The following FABP3 variants were observed in gnomAD, a reference collection of about 807,000 sequenced individuals.
FABP3 encodes the protein fatty acid-binding protein, heart.
FABP3 carries 8 observed loss-of-function variants against 13.4 expected under a neutral mutation model. The ratio of observed to expected loss-of-function variants is 0.60; its 90% CI spans 0.35 to 1.07. The LOEUF is 1.07. Ranked by LOEUF, FABP3 falls within the 50% of genes least tolerant of loss-of-function variation. FABP3 has a pLI of 0.02. For missense variants in FABP3, 135 were observed against 164.7 expected, an observed-to-expected ratio of 0.82 and a Z score of 0.99; for synonymous variants, 64 against 60.0, an observed-to-expected ratio of 1.07 and a Z score of -0.31.
chr1:31,366,787 C>T (rs1640121227), intron 3 of FABP3, among the ~76,000 whole-genome samples: 1 of 152,128 alleles, frequency 6.6e-6, no homozygotes, highest in Non-Finnish European at 1.5e-5. Flanking sequence ...GTAGGCCAGA[C>T]ATAGAAAGCA....
chr1:31,361,960 C>T (rs1352922287), downstream of FABP3, among the ~76,000 whole-genome samples: 2 of 152,022 alleles, frequency 1.3e-5, no homozygotes, highest in African/African-American at 2.4e-5. Flanking sequence ...TACAGGCCCG[C>T]GTAACCACAC....
Position 31,373,035 on chromosome 1 carries a change from A to C in FABP3, c.-21T>G. The C allele has an allele frequency of 6.2e-7, 1 of 1,613,460 alleles. No individual in the cohort carries two copies. ...ACCATAGTGATGCTGGGCTAGGCTG[A>C]GAGAAGCTACAAGAGAGCAGGCGTG... On this transcript the variant is annotated 5_prime_UTR_variant, in exon 1 of 4. Coordinates refer to ENST00000373713, the MANE Select transcript of FABP3 (RefSeq NM_004102.5).
chr1:31,360,003 G>A, the FABP3 span, among the ~76,000 whole-genome samples: 6 of 150,488 alleles, frequency 4.0e-5, no homozygotes, highest in African/African-American at 1.2e-4. Flanking sequence ...TTTTTGAGAC[G>A]GAGTTTCCAT....
At chr1:31,363,638 A>G (rs1417235522), downstream of FABP3, among the ~76,000 whole-genome samples, 1 of 152,080 alleles carries the variant, frequency 6.6e-6, no homozygotes, top group African/African-American at 2.4e-5. Context: ...AAAAATTAGC[A>G]GGGTGTGGTG....
intron 2 of FABP3, chr1:31,368,995 C>T (rs1351699066): frequency 6.0e-6 from 1 of 167,974 alleles, no homozygotes; most frequent in Admixed American, 6.0e-5. Context: ...ATTCCTAAAG[C>T]ACTTCAGGTC....
chr1:31,364,019 AT>A, downstream of FABP3: 1 of 1,606,018 alleles, frequency 6.2e-7, no homozygotes. Context: ...GATTTTTAAA[AT>A]TTTCTTTTCA....
chr1:31,373,070 C>T lies in FABP3; in HGVS notation c.-56G>A, dbSNP rs1037399319. ...CAAGAGAGCAGGCGTGCAAGGGCTC[C>T]GACGGCGGCTCCCTGCCCGGGCTGC... On this transcript the variant is annotated 5_prime_UTR_variant, in exon 1 of 4. Transcript: ENST00000373713. The T allele has an allele frequency of 3.2e-5, 50 of 1,554,064 alleles. No individual in the cohort carries two copies. The East Asian group carries it at 4.5e-4, about 14-fold the overall frequency.
chr1:31,366,047 C>T (rs1640103685), intron 3 of FABP3, 108 bp from the exon 4 acceptor site: 6 of 887,714 alleles, frequency 6.8e-6, no homozygotes, highest in African/African-American at 1.9e-5. Flanking sequence ...TACTATGTGC[C>T]GGCTATATGT....
chr1:31,367,477 A>G lies in FABP3; in HGVS notation c.264T>C (p.Asp88=). 1 of 1,614,066 alleles carries G rather than the reference A, an allele frequency of 6.2e-7. No individual in the cohort carries two copies. The highest frequency in any genetic ancestry group is 1.3e-5 in the African/African-American group (1 of 75,036). ...DRKVKSIVTL[D]GGKLVHLQKW... The stretch of plus-strand genomic sequence containing the variant: ...TCTGCAGGTGAACAAGTTTCCCTCC[A>G]TCCAGTGTCACAATGGACTGTGGAA... Residue 88 remains aspartate, a synonymous_variant, in exon 3 of 4, where the codon GAT becomes GAC. Coordinates refer to ENST00000373713, the MANE Select transcript of FABP3 (RefSeq NM_004102.5).
chr1:31,370,499 C>T (rs1281575120), intron 1 of FABP3, among the ~76,000 whole-genome samples: 1 of 152,222 alleles, frequency 6.6e-6, no homozygotes, highest in Non-Finnish European at 1.5e-5. Flanking sequence ...GTCCCTTATA[C>T]ATGGCAACCC....
chr1:31,371,598 G>T (rs1640210863), intron 1 of FABP3, among the ~76,000 whole-genome samples: 1 of 152,170 alleles, frequency 6.6e-6, no homozygotes, highest in Non-Finnish European at 1.5e-5. Flanking sequence ...CCAGCCCGCT[G>T]ACCCAACTCG....
downstream of FABP3, chr1:31,364,358 G>A (rs984145374): frequency 1.5e-4 from 187 of 1,284,236 alleles, no homozygotes; most frequent in Admixed American, 9.3e-4. Flanking sequence ...GGGAGTTAGA[G>A]GTCAAAAGCA....
Position 31,365,552 on chromosome 1 carries a change from T to G in FABP3, c.*334A>C, listed in dbSNP as rs534605042. On this transcript the variant is annotated 3_prime_UTR_variant, in exon 4 of 4. Coordinates refer to ENST00000373713, the MANE Select transcript of FABP3 (RefSeq NM_004102.5). Reference sequence around the variant, plus strand: ...CCATTTCAGTCTCCCATCCAGTGCTTCTTCCTCAGTAACCTTCAGGCCGTT... The same window carrying G: ...CCATTTCAGTCTCCCATCCAGTGCTGCTTCCTCAGTAACCTTCAGGCCGTT... 2 of 292,236 alleles carry G rather than the reference T, an allele frequency of 6.8e-6. No individual in the cohort carries two copies. The highest frequency in any genetic ancestry group is 1.5e-4 in the East Asian group (2 of 13,500). The allele number at this position is 292,236 out of a possible 1,614,324, so 18.1% of individuals were successfully genotyped here.
chr1:31,363,056 TG>T (rs2148489398), downstream of FABP3, among the ~76,000 whole-genome samples: 1 of 152,330 alleles, frequency 6.6e-6, no homozygotes, highest in South Asian at 2.1e-4. Flanking sequence ...TAAATACACA[TG>T]TATATGTTAT....
At chr1:31,368,777 T>C (rs1302713629) in intron 2 of FABP3, among the ~76,000 whole-genome samples, 1 of 151,970 alleles carries the variant, frequency 6.6e-6, no homozygotes. Context: ...AACACATTCA[T>C]GACAAGGTGA....
At chr1:31,371,141 CTTTG>C (rs1308320267) in intron 1 of FABP3, among the ~76,000 whole-genome samples, 1 of 152,218 alleles carries the variant, frequency 6.6e-6, no homozygotes, top group Non-Finnish European at 1.5e-5. Context: ...GACGGGACCT[CTTTG>C]CCCCTTGAGA....
chr1:31,371,891 G>A (rs1640215363), intron 1 of FABP3, among the ~76,000 whole-genome samples: 1 of 152,218 alleles, frequency 6.6e-6, no homozygotes. Context: ...TAGCTAAGCA[G>A]TTTCTACTTT....
At chr1:31,367,063 T>C (rs1221778541) in intron 3 of FABP3, among the ~76,000 whole-genome samples, 2 of 152,188 alleles carry the variant, frequency 1.3e-5, no homozygotes. Context: ...CCTCAATCAG[T>C]GATGCTTTGT....
chr1:31,364,212 GGGT>G, downstream of FABP3: 1 of 1,602,234 alleles, frequency 6.2e-7, no homozygotes, highest in South Asian at 1.1e-5. Flanking sequence ...AGAGTGTAGG[GGGT>G]GGTTGAGAGT....
Sources: allele counts gnomAD v4.1 joint callset (sites outside exome capture counted in the v4.1 genomes callset), GRCh38; gene constraint gnomAD v4.1.1; transcripts MANE v1.5; gene names NCBI Gene and HGNC (gene_info 2026-07-23, HGNC 2026-07-21).